PSMD14: variants seen among roughly 807,000 people sequenced by gnomAD.
PSMD14 encodes the protein ubiquitin C-terminal hydrolase PSMD14.
In PSMD14, 7 loss-of-function variants were observed where a neutral mutation model predicts 41.2. That is an observed-to-expected ratio of 0.17 (90% CI 0.10 to 0.32). The LOEUF is 0.32. PSMD14 is among the 10% of genes least tolerant of loss of function. The pLI is 1.00. For missense variants in PSMD14, 139 were observed against 375.6 expected, an observed-to-expected ratio of 0.37 and a Z score of 5.21; for synonymous variants, 114 against 122.3, an observed-to-expected ratio of 0.93 and a Z score of 0.45.
rs114823457 is a variant in PSMD14 at position 161,405,758 on chromosome 2, C to T, written c.772-3079C>T. On this transcript the variant is annotated intron_variant, in intron 10 of 11. Transcript: ENST00000409682. Reference sequence around the variant, plus strand: ...GTATATGCCATTTTAGCAGTTTGTGCTGTCTTATGTAAAAATTGCCATAAT... The same window carrying T: ...GTATATGCCATTTTAGCAGTTTGTGTTGTCTTATGTAAAAATTGCCATAAT... 2.0e-3 allele frequency among the ~76,000 whole-genome samples: 300 copies of T among 152,162 alleles called. 3 individuals carry two copies. The highest frequency in any genetic ancestry group is 6.8e-3 in the African/African-American group (281 of 41,536).
Position 161,408,818 on chromosome 2 carries a change from C to T in PSMD14, c.772-19C>T, listed in dbSNP as rs1437779634. On this transcript the variant is annotated intron_variant, in intron 10 of 11. Coordinates refer to ENST00000409682, the MANE Select transcript of PSMD14 (RefSeq NM_005805.6). Reference sequence around the variant, plus strand: ...AGGATTTATAATTTTAAACTCTGTCCTTTGTGTTTCATTCACAGGCTGTAG... The same window carrying T: ...AGGATTTATAATTTTAAACTCTGTCTTTTGTGTTTCATTCACAGGCTGTAG... 6.3e-7 allele frequency: 1 copy of T among 1,578,204 alleles called. No homozygotes were observed.
At chr2:161,389,889 G>GTTGTTTTTTTTCTTTTTT in intron 8 of PSMD14, among the ~76,000 whole-genome samples, 2 of 20,044 alleles carry the variant, frequency 1.0e-4, no homozygotes, top group African/African-American at 1.5e-4. Context: ...CTTTTTTGTT[G>GTTGTTTTTTTTCTTTTTT]TTTTTTTTTT....
chr2:161,380,533 C>G (rs1207836119), intron 7 of PSMD14, among the ~76,000 whole-genome samples: 1 of 151,934 alleles, frequency 6.6e-6, no homozygotes, highest in Non-Finnish European at 1.5e-5. Context: ...CCTTTTCTCC[C>G]AATATACTGA....
intron 1 of PSMD14, among the ~76,000 whole-genome samples, chr2:161,312,890 A>G (rs1381932003): frequency 1.3e-5 from 2 of 152,264 alleles, no homozygotes; most frequent in African/African-American, 4.8e-5. Flanking sequence ...TATGCCCAGC[A>G]TTTTGAAACC....
At chr2:161,401,213 G>A (rs1213529231) in intron 10 of PSMD14, among the ~76,000 whole-genome samples, 1 of 152,138 alleles carries the variant, frequency 6.6e-6, no homozygotes, top group African/African-American at 2.4e-5. Flanking sequence ...TTACTTCGTT[G>A]TAACAATATA....
chr2:161,392,238 A>C (rs1371930332), intron 9 of PSMD14, among the ~76,000 whole-genome samples: 1 of 152,174 alleles, frequency 6.6e-6, no homozygotes, highest in African/African-American at 2.4e-5. Context: ...TCTCTCTGGG[A>C]AAGTTAAAAG....
At chr2:161,405,573 TTTAA>T (rs1326060792) in intron 10 of PSMD14, among the ~76,000 whole-genome samples, 2 of 152,186 alleles carry the variant, frequency 1.3e-5, no homozygotes, top group African/African-American at 4.8e-5. Context: ...TATATTGATG[TTTAA>T]TTAGTGATGG....
At chr2:161,314,238 A>G (rs1167021474) in intron 1 of PSMD14, among the ~76,000 whole-genome samples, 1 of 152,236 alleles carries the variant, frequency 6.6e-6, no homozygotes, top group Non-Finnish European at 1.5e-5. Flanking sequence ...ACATCAAAAA[A>G]TACGTGACAC....
chr2:161,357,844 T>C (rs774269657), intron 3 of PSMD14, among the ~76,000 whole-genome samples: 28 of 152,100 alleles, frequency 1.8e-4, no homozygotes, highest in Non-Finnish European at 3.4e-4. Context: ...TAGGTATTAT[T>C]AAATGACCTT....
chr2:161,393,571 C>G (rs1315315280), intron 9 of PSMD14, among the ~76,000 whole-genome samples: 1 of 152,112 alleles, frequency 6.6e-6, no homozygotes, highest in Non-Finnish European at 1.5e-5. Flanking sequence ...AACTTCTAAG[C>G]AAGTAGGATA....
intron 7 of PSMD14, among the ~76,000 whole-genome samples, chr2:161,376,554 C>G (rs996144492): frequency 6.6e-6 from 1 of 151,820 alleles, no homozygotes; most frequent in African/African-American, 2.4e-5. Context: ...GAAGACTTCC[C>G]TTCTTATATT....
intron 8 of PSMD14, among the ~76,000 whole-genome samples, chr2:161,389,183 G>C (rs1683673417): frequency 6.6e-6 from 1 of 152,110 alleles, no homozygotes; most frequent in East Asian, 1.9e-4. Flanking sequence ...GTATCTGTGA[G>C]TCCATTAACT....
intron 7 of PSMD14, among the ~76,000 whole-genome samples, chr2:161,377,182 C>T (rs1035115001): frequency 5.3e-5 from 8 of 151,880 alleles, no homozygotes; most frequent in South Asian, 2.1e-4. Context: ...CAGTATCCCA[C>T]GACTATCAGC....
chr2:161,396,921 G>A (rs1445537340), intron 10 of PSMD14, among the ~76,000 whole-genome samples: 2 of 152,072 alleles, frequency 1.3e-5, no homozygotes, highest in African/African-American at 4.8e-5. Flanking sequence ...TCTGTCTCCT[G>A]TGTTCAAGAG....
intron 3 of PSMD14, among the ~76,000 whole-genome samples, chr2:161,319,525 G>C (rs1374961037): frequency 6.6e-6 from 1 of 152,010 alleles, no homozygotes; most frequent in Non-Finnish European, 1.5e-5. Context: ...TTGTGAGTTC[G>C]ACACTTTCGA....
chr2:161,341,838 C>CAA (rs1305487315), intron 3 of PSMD14, among the ~76,000 whole-genome samples: 1 of 69,916 alleles, frequency 1.4e-5, no homozygotes, highest in Admixed American at 1.5e-4. Context: ...TCTCCTTCTC[C>CAA]AAAAAAAAAA....
intron 3 of PSMD14, among the ~76,000 whole-genome samples, chr2:161,322,880 T>C (rs535044297): frequency 1.4e-4 from 22 of 152,278 alleles, no homozygotes; most frequent in African/African-American, 5.1e-4. Context: ...CATTCTAGTT[T>C]CTTAATTTTC....
chr2:161,329,368 T>C (rs950948994), intron 3 of PSMD14, among the ~76,000 whole-genome samples: 4 of 152,174 alleles, frequency 2.6e-5, no homozygotes, highest in Admixed American at 2.0e-4. Flanking sequence ...TAATTTTTGC[T>C]ATAAGCACTG....
intron 3 of PSMD14, among the ~76,000 whole-genome samples, chr2:161,352,848 A>T (rs149186658): frequency 1.3e-5 from 2 of 152,306 alleles, no homozygotes; most frequent in Non-Finnish European, 2.9e-5. Context: ...GGTTATTTGT[A>T]TTCTGTGTTA....
Sources: allele counts gnomAD v4.1 joint callset (sites outside exome capture counted in the v4.1 genomes callset), GRCh38; gene constraint gnomAD v4.1.1; transcripts MANE v1.5; gene names NCBI Gene and HGNC (gene_info 2026-07-23, HGNC 2026-07-21).